The following DCC variants were observed in gnomAD, a reference collection of about 807,000 sequenced individuals.
DCC encodes the protein netrin receptor DCC.
A neutral mutation model predicts 172.5 loss-of-function variants in DCC; 58 were observed. That is an observed-to-expected ratio of 0.34 (90% CI 0.27 to 0.42). The LOEUF (loss-of-function observed/expected upper bound fraction) is 0.42. Among genes scored for constraint, DCC ranks in the 10% least tolerant of loss-of-function variants. The probability of loss-of-function intolerance (pLI) is 1.00; values close to 1 mark genes in which losing one functional copy is unlikely to be tolerated. For synonymous variants in DCC, 709 were observed against 644.5 expected (o/e 1.10, Z -1.52); for missense variants, 1,740 against 1,791.0 (o/e 0.97, Z 0.51).
intron 12 of DCC, among the ~76,000 whole-genome samples, chr18:53,240,759 T>A (rs2056280278): frequency 6.6e-6 from 1 of 152,202 alleles, no homozygotes; most frequent in Admixed American, 6.5e-5. Context: ...TTTTATCATT[T>A]AATATTTCCA....
At chr18:52,923,666 GT>G in intron 3 of DCC, 40 bp from the exon 4 acceptor site, 3 of 1,463,038 alleles carry the variant, frequency 2.1e-6, no homozygotes, top group Non-Finnish European at 2.9e-6. Context: ...TCTTTGCAAT[GT>G]TTTTCATATA....
intron 1 of DCC, among the ~76,000 whole-genome samples, chr18:52,552,849 G>A (rs995904779): frequency 4.6e-5 from 7 of 151,940 alleles, no homozygotes; most frequent in African/African-American, 1.7e-4. Context: ...AAAGAAAAAA[G>A]TATTTCTCAC....
intron 2 of DCC, among the ~76,000 whole-genome samples, chr18:52,790,142 G>T (rs565751755): frequency 6.6e-6 from 1 of 152,232 alleles, no homozygotes; most frequent in African/African-American, 2.4e-5. Context: ...GAGACTAAAA[G>T]TATTGCCACG....
chr18:53,372,841 A>C (rs1180551064), intron 15 of DCC, among the ~76,000 whole-genome samples: 1 of 152,022 alleles, frequency 6.6e-6, no homozygotes, highest in African/African-American at 2.4e-5. Flanking sequence ...CTGGGCCTTG[A>C]TCCTCAGAAC....
chr18:53,088,966 C>T (rs551021505), intron 7 of DCC, among the ~76,000 whole-genome samples: 2 of 152,316 alleles, frequency 1.3e-5, no homozygotes, highest in East Asian at 1.9e-4. Context: ...TAATAAGTAA[C>T]TCTATGCAGT....
At chr18:52,521,046 T>TA (rs2031796391) in intron 1 of DCC, among the ~76,000 whole-genome samples, 1 of 152,136 alleles carries the variant, frequency 6.6e-6, no homozygotes. Context: ...TGGTGGTATA[T>TA]TTAAAGCCAA....
intron 1 of DCC, among the ~76,000 whole-genome samples, chr18:52,471,707 G>A (rs1325285277): frequency 2.6e-5 from 4 of 152,198 alleles, no homozygotes. Context: ...GAAGAATGCA[G>A]CTTCCGCTCA....
intron 7 of DCC, among the ~76,000 whole-genome samples, chr18:53,098,503 A>G (rs2043118403): frequency 6.6e-6 from 1 of 152,306 alleles, no homozygotes; most frequent in Admixed American, 6.5e-5. Context: ...ATGTCCATCA[A>G]CATGAATTTA....
chr18:52,721,276 T>C (rs898567350), intron 1 of DCC, among the ~76,000 whole-genome samples: 8 of 152,206 alleles, frequency 5.3e-5, no homozygotes, highest in Admixed American at 6.5e-5. Flanking sequence ...CTTGCAATCT[T>C]TGTGATTTCA....
intron 8 of DCC, among the ~76,000 whole-genome samples, chr18:53,171,153 G>A (rs1324943921): frequency 6.6e-6 from 1 of 152,176 alleles, no homozygotes; most frequent in East Asian, 1.9e-4. Flanking sequence ...CCAAAGTGCT[G>A]GGATTACAGG....
intron 1 of DCC, among the ~76,000 whole-genome samples, chr18:52,690,263 C>T (rs1365600602): frequency 6.6e-6 from 1 of 152,128 alleles, no homozygotes; most frequent in Non-Finnish European, 1.5e-5. Context: ...AGAGAAAAGC[C>T]TTGGCTTCTG....
At chr18:53,490,356 A>G (rs770515297) in intron 26 of DCC, among the ~76,000 whole-genome samples, 25 of 152,336 alleles carry the variant, frequency 1.6e-4, no homozygotes, top group South Asian at 4.1e-4. Flanking sequence ...TTGGCTTGCT[A>G]TATTTCTATC....
At position 53,450,523 on chromosome 18, in the gene DCC, C is replaced by T. The variant is rs1274304865; in HGVS notation, c.3253C>T (p.Pro1085Ser). 1 of 1,613,924 alleles carries T rather than the reference C, an allele frequency of 6.2e-7. No homozygotes were observed. The highest frequency in any genetic ancestry group is 8.5e-7 in the Non-Finnish European group (1 of 1,179,976). The change falls in exon 23 of 29, where the codon CCC (proline) becomes TCC (serine). Residue 1085 changes from proline (P) to serine (S), a missense_variant. Physicochemically the swap from Pro to Ser is moderately conservative, Grantham distance 74 (BLOSUM62 -1). This residue lies in a region of DCC where 1,732 missense variants were observed against 1,767.4 expected (regional missense o/e 0.98). Transcript: ENST00000442544. ...LNEPPIGQMH[P>S]PHGSVTPQKN... ...AGAGCCGCCAATTGGACAAATGCAC[C>T]CCCCGCATGGCAGTGTCACTCCTCA... is the stretch of plus-strand genomic sequence containing the variant.
chr18:53,460,403 G>A (rs2045542488), intron 24 of DCC, among the ~76,000 whole-genome samples: 1 of 147,410 alleles, frequency 6.8e-6, no homozygotes, highest in Non-Finnish European at 1.5e-5. Flanking sequence ...CTAGCATGAG[G>A]TATATCTCCC....
At chr18:53,521,656 T>C (rs2046400170) in intron 27 of DCC, among the ~76,000 whole-genome samples, 1 of 152,170 alleles carries the variant, frequency 6.6e-6, no homozygotes, top group Non-Finnish European at 1.5e-5. Flanking sequence ...TTTCACTTTT[T>C]ATTGTAGATA....
chr18:53,362,109 C>G (rs1379511596), intron 15 of DCC, among the ~76,000 whole-genome samples: 3 of 152,066 alleles, frequency 2.0e-5, no homozygotes, highest in African/African-American at 7.2e-5. Context: ...AAATTCTCAA[C>G]TGTTACTTTC....
chr18:53,296,783 C>T (rs1423962375), intron 12 of DCC, among the ~76,000 whole-genome samples: 1 of 152,176 alleles, frequency 6.6e-6, no homozygotes, highest in Non-Finnish European at 1.5e-5. Context: ...CTGTGAGATT[C>T]AAGTCACCAG....
At chr18:52,450,656 G>A (rs1988273703) in intron 1 of DCC, among the ~76,000 whole-genome samples, 3 of 152,092 alleles carry the variant, frequency 2.0e-5, no homozygotes, top group Admixed American at 2.0e-4. Flanking sequence ...TATAATACAA[G>A]CCTCAGGAAG....
At chr18:53,045,634 T>C (rs150150888) in intron 5 of DCC, among the ~76,000 whole-genome samples, 47 of 152,008 alleles carry the variant, frequency 3.1e-4, no homozygotes, top group African/African-American at 1.1e-3. Context: ...AGTAGAAATC[T>C]TAATAGTCAA....
Sources: gnomAD v4.1 joint callset for allele counts (sites outside exome capture counted in the v4.1 genomes callset) on GRCh38, gnomAD v4.1.1 for gene constraint, gnomAD v4.1.1 regional missense constraint, MANE v1.5 for transcripts, NCBI Gene and HGNC (gene_info 2026-07-23, HGNC 2026-07-21) for gene names.